Variants in LNX2 observed in about 807,000 individuals in gnomAD.
LNX2 encodes the protein ligand of numb-protein X 2.
In LNX2, 35 loss-of-function variants were observed where a neutral mutation model predicts 66.2. The ratio of observed to expected loss-of-function variants is 0.53; its 90% CI spans 0.40 to 0.70. The LOEUF is 0.70. Among genes scored for constraint, LNX2 ranks in the 30% least tolerant of loss-of-function variants. The probability of loss-of-function intolerance (pLI) is 0.00; values close to 1 mark genes in which losing one functional copy is unlikely to be tolerated. For synonymous variants in LNX2, 337 were observed against 315.6 expected, an observed-to-expected ratio of 1.07 and a Z score of -0.72; for missense variants, 791 against 850.8, an observed-to-expected ratio of 0.93 and a Z score of 0.87.
intron 1 of LNX2, among the ~76,000 whole-genome samples, chr13:27,613,999 A>C (rs550296313): frequency 4.2e-4 from 64 of 152,318 alleles, no homozygotes; most frequent in African/African-American, 1.3e-3. Flanking sequence ...CCTTTGCAAA[A>C]ATTATATCAG....
intron 1 of LNX2, among the ~76,000 whole-genome samples, chr13:27,585,124 A>G (rs1156804506): frequency 6.7e-6 from 1 of 148,402 alleles, no homozygotes; most frequent in Middle Eastern, 3.6e-3. Flanking sequence ...CGGTCTCAGA[A>G]AAAGAAAAAA....
intron 1 of LNX2, among the ~76,000 whole-genome samples, chr13:27,619,952 T>A (rs12873937): frequency 0.076 from 11,530 of 152,070 alleles, 595 homozygotes; most frequent in Middle Eastern, 0.16. Flanking sequence ...CAAAACCCGA[T>A]AAAGGCAGCT....
At chr13:27,619,204 T>C (rs1955862729) in intron 1 of LNX2, among the ~76,000 whole-genome samples, 1 of 152,220 alleles carries the variant, frequency 6.6e-6, no homozygotes, top group Admixed American at 6.5e-5. Flanking sequence ...AAAACTCACA[T>C]GTGGGACTCG....
At chr13:27,570,259 C>T (rs377114308) in intron 2 of LNX2, among the ~76,000 whole-genome samples, 1 of 152,144 alleles carries the variant, frequency 6.6e-6, no homozygotes, top group Non-Finnish European at 1.5e-5. Flanking sequence ...GCTACAGTAA[C>T]GCTTGGTAGG....
chr13:27,610,197 G>C (rs1006763459), intron 1 of LNX2, among the ~76,000 whole-genome samples: 11 of 152,212 alleles, frequency 7.2e-5, no homozygotes, highest in South Asian at 4.1e-4. Flanking sequence ...CACATGCACT[G>C]TGATACCTGG....
At chr13:27,604,681 T>C (rs1293227775) in intron 1 of LNX2, among the ~76,000 whole-genome samples, 1 of 151,924 alleles carries the variant, frequency 6.6e-6, no homozygotes, top group African/African-American at 2.4e-5. Flanking sequence ...TTTTATAATA[T>C]AAAAAGTAAA....
chr13:27,597,398 A>T (rs1955610503), intron 1 of LNX2, among the ~76,000 whole-genome samples: 1 of 152,206 alleles, frequency 6.6e-6, no homozygotes, highest in Non-Finnish European at 1.5e-5. Flanking sequence ...GCTCAGAAAC[A>T]ATACGAGGAC....
At chr13:27,556,116 A>G in intron 7 of LNX2, 120 bp downstream of exon 7, 1 of 919,100 alleles carries the variant, frequency 1.1e-6, no homozygotes, top group Non-Finnish European at 1.6e-6. Flanking sequence ...TGCAAGGGAC[A>G]GTTTAAAGAA....
Position 27,550,324 on chromosome 13 carries a change from A to G in LNX2, c.1937+9T>C, listed in dbSNP as rs1220176956. 1 of 1,611,240 alleles carries G rather than the reference A, an allele frequency of 6.2e-7. No individual in the cohort carries two copies. The highest frequency in any genetic ancestry group is 1.1e-5 in the South Asian group (1 of 90,846). ...CATGAATCACATCATTAATTAGAAC[A>G]AGACTCACTTTAATCTTCCATCATA... On this transcript the variant is annotated intron_variant, in intron 9 of 9. Coordinates refer to ENST00000316334, the MANE Select transcript of LNX2 (RefSeq NM_153371.4).
At position 27,567,601 on chromosome 13, in the gene LNX2, C is replaced by CT. The variant is rs758161527; in HGVS notation, c.855+38_855+39insA. On this transcript the variant is annotated intron_variant, in intron 4 of 9. Coordinates refer to ENST00000316334, the MANE Select transcript of LNX2 (RefSeq NM_153371.4). ...TAAGGTTTAAGTGTTAAGAATGGAACAAAAAGGCACAAGTTAACAGAATAA... is the reference window on the plus strand; with the variant it reads ...TAAGGTTTAAGTGTTAAGAATGGAACTAAAAAGGCACAAGTTAACAGAATAA... The CT allele has an allele frequency of 1.7e-5, 27 of 1,574,402 alleles. No homozygotes were observed. The Admixed American group carries it at 4.3e-4, about 25-fold the overall frequency.
rs747930402 is a variant in LNX2 at position 27,566,850 on chromosome 13, C to T, written c.855+790G>A. Among the ~76,000 whole-genome samples the T allele has an allele frequency of 5.3e-5, 8 of 152,126 alleles. No homozygotes were observed. The East Asian group carries it at 5.8e-4, about 11-fold the overall frequency. ...TTTCCTCTCTCTCCTAGAAGTTATC[C>T]GTTTTTAAGCTTCAATTATTATCAC... On this transcript the variant is annotated intron_variant, in intron 4 of 9. Coordinates refer to ENST00000316334, the MANE Select transcript of LNX2 (RefSeq NM_153371.4).
In LNX2 at chr13:27,562,393, T is replaced by C. The variant is rs771837719; in HGVS notation, c.1224+20A>G. The C allele has an allele frequency of 6.3e-7, 1 of 1,593,702 alleles. No homozygotes were observed. Among genetic ancestry groups the C allele is most frequent in the Non-Finnish European group, 8.5e-7 (1 of 1,170,616 alleles). On this transcript the variant is annotated intron_variant, in intron 5 of 9. Coordinates refer to ENST00000316334, the MANE Select transcript of LNX2 (RefSeq NM_153371.4). Reference sequence around the variant, plus strand: ...GATCATTTCGGCCAAGCCTTTGGAATGAAGGCCAAGAGGGTTTACCTGAAT... The same window carrying C: ...GATCATTTCGGCCAAGCCTTTGGAACGAAGGCCAAGAGGGTTTACCTGAAT...
chr13:27,593,581 T>C (rs956523333), intron 1 of LNX2, among the ~76,000 whole-genome samples: 4 of 149,876 alleles, frequency 2.7e-5, no homozygotes, highest in African/African-American at 9.9e-5. Flanking sequence ...TTTTTTTTTT[T>C]TTTGAGATGA....
At chr13:27,560,431 G>T (rs1467504099) in intron 5 of LNX2, among the ~76,000 whole-genome samples, 1 of 151,984 alleles carries the variant, frequency 6.6e-6, no homozygotes, top group Non-Finnish European at 1.5e-5. Context: ...GGCTACTTCA[G>T]AAATCATAAT....
chr13:27,585,645 C>T (rs1398594951), intron 1 of LNX2, among the ~76,000 whole-genome samples: 1 of 151,994 alleles, frequency 6.6e-6, no homozygotes, highest in African/African-American at 2.4e-5. Flanking sequence ...GCCAGACAGA[C>T]ACGTCCAAGC....
At chr13:27,565,486 A>T (rs748171227) in intron 4 of LNX2, among the ~76,000 whole-genome samples, 1 of 152,156 alleles carries the variant, frequency 6.6e-6, no homozygotes, top group Non-Finnish European at 1.5e-5. Context: ...CTGGGAAATG[A>T]GCTGTAAGAG....
chr13:27,591,691 A>G (rs1955547880), intron 1 of LNX2, among the ~76,000 whole-genome samples: 1 of 152,228 alleles, frequency 6.6e-6, no homozygotes. Flanking sequence ...CTGAACAGAC[A>G]AAAATCCCTG....
At chr13:27,589,635 G>T (rs569401885) in intron 1 of LNX2, among the ~76,000 whole-genome samples, 1 of 152,024 alleles carries the variant, frequency 6.6e-6, no homozygotes, top group South Asian at 2.1e-4. Context: ...TTTTTTTAGT[G>T]CAAAGTGATC....
intron 1 of LNX2, among the ~76,000 whole-genome samples, chr13:27,603,956 T>TAAA (rs35389487): frequency 7.5e-6 from 1 of 133,504 alleles, no homozygotes. Context: ...TTCCTTCCCT[T>TAAA]AAAAAAAAAA....
Sources: allele counts gnomAD v4.1 joint callset (sites outside exome capture counted in the v4.1 genomes callset), GRCh38; gene constraint gnomAD v4.1.1; transcripts MANE v1.5; gene names NCBI Gene and HGNC (gene_info 2026-07-23, HGNC 2026-07-21).